Variants in CAMKMT observed in about 807,000 individuals in gnomAD.
CAMKMT encodes calmodulin-lysine N-methyltransferase.
CAMKMT carries 53 observed loss-of-function variants against 48.0 expected under a neutral mutation model. The ratio of observed to expected loss-of-function variants is 1.10; its 90% CI spans 0.89 to 1.39. The LOEUF (loss-of-function observed/expected upper bound fraction) is 1.39. Ranked by LOEUF, CAMKMT falls within the 40% of genes most tolerant of loss-of-function variation. The pLI is 0.00. For missense variants in CAMKMT, 428 were observed against 402.7 expected (o/e 1.06, Z -0.54); for synonymous variants, 165 against 152.3 (o/e 1.08, Z -0.61).
chr2:44,702,251 A>G lies in CAMKMT; in HGVS notation c.377-2032A>G, dbSNP rs918017867. Reference sequence around the variant, plus strand: ...AGACTTTTATTTATACTTTGGTCTTAATAGAGTTATTTTTATGTGGAGATA... The same window carrying G: ...AGACTTTTATTTATACTTTGGTCTTGATAGAGTTATTTTTATGTGGAGATA... On this transcript the variant is annotated intron_variant, in intron 3 of 10. Transcript: ENST00000378494. Among the ~76,000 whole-genome samples, 7 of 152,062 alleles carry G rather than the reference A, an allele frequency of 4.6e-5. No individual in the cohort carries two copies. The South Asian group carries it at 1.5e-3, about 32-fold the overall frequency.
chr2:44,605,682 A>C (rs1436831457), intron 3 of CAMKMT, among the ~76,000 whole-genome samples: 2 of 152,270 alleles, frequency 1.3e-5, no homozygotes, highest in East Asian at 3.9e-4. Flanking sequence ...ACAGAACAAG[A>C]AAATGACTTG....
chr2:44,455,272 TG>T lies in CAMKMT; in HGVS notation c.376+64968del, dbSNP rs1337453389. Among the ~76,000 whole-genome samples, 4 of 152,242 alleles carry T rather than the reference TG, an allele frequency of 2.6e-5. No individual in the cohort carries two copies. In the East Asian group the frequency reaches 7.7e-4, roughly 29 times the overall value. ...TTTTTTTTAGAAGGAGGCTTATCTC[TG>T]AAGATGGGCAGGATGAAAGAAGTCA... On this transcript the variant is annotated intron_variant, in intron 3 of 10. Transcript: ENST00000378494.
intron 3 of CAMKMT, among the ~76,000 whole-genome samples, chr2:44,505,199 AC>A (rs1349378328): frequency 3.9e-5 from 6 of 152,204 alleles, no homozygotes; most frequent in African/African-American, 1.4e-4. Flanking sequence ...GAGGGGTCAA[AC>A]AAACCATATT....
At chr2:44,366,743 A>G (rs1036265990) in intron 1 of CAMKMT, among the ~76,000 whole-genome samples, 2 of 94,838 alleles carry the variant, frequency 2.1e-5, no homozygotes, top group Non-Finnish European at 5.6e-5. Flanking sequence ...ATTATTTGAG[A>G]CAAAGTCTCA....
chr2:44,481,687 T>C (rs942473885), intron 3 of CAMKMT, among the ~76,000 whole-genome samples: 1 of 152,100 alleles, frequency 6.6e-6, no homozygotes, highest in Non-Finnish European at 1.5e-5. Flanking sequence ...AAACATTCCC[T>C]AATGATAAAG....
rs17581117 is a variant in CAMKMT, at chr2:44,497,853, G to A, written c.376+107548G>A. Reference sequence around the variant, plus strand: ...AGCAAGCAATTCAGACACCTGCCGGGCATCGGGGCAGGGTGAAGTCTTCTT... The same window carrying A: ...AGCAAGCAATTCAGACACCTGCCGGACATCGGGGCAGGGTGAAGTCTTCTT... On this transcript the variant is annotated intron_variant, in intron 3 of 10. Transcript: ENST00000378494. Among the ~76,000 whole-genome samples the A allele has an allele frequency of 0.026, 3,891 of 152,122 alleles. 288 individuals are homozygous for A. The East Asian group carries it at 0.29, about 12-fold the overall frequency.
At chr2:44,521,833 C>T (rs1572705908) in intron 3 of CAMKMT, among the ~76,000 whole-genome samples, 1 of 149,596 alleles carries the variant, frequency 6.7e-6, no homozygotes, top group East Asian at 1.9e-4. Context: ...CCAGCCTGGG[C>T]AATAGAGCAA....
chr2:44,617,322 T>C (rs898821739), intron 3 of CAMKMT, among the ~76,000 whole-genome samples: 1 of 152,186 alleles, frequency 6.6e-6, no homozygotes, highest in Non-Finnish European at 1.5e-5. Flanking sequence ...TTTTGTAATA[T>C]GATAACACAT....
chr2:44,519,974 G>A (rs571235169), intron 3 of CAMKMT, among the ~76,000 whole-genome samples: 17 of 152,112 alleles, frequency 1.1e-4, no homozygotes, highest in Middle Eastern at 3.4e-3. Flanking sequence ...CACTTTGGGA[G>A]GCTGAGGCGG....
At chr2:44,519,865 C>T (rs925309251) in intron 3 of CAMKMT, among the ~76,000 whole-genome samples, 1 of 152,114 alleles carries the variant, frequency 6.6e-6, no homozygotes, top group African/African-American at 2.4e-5. Flanking sequence ...CCTCAGCCTC[C>T]TGAGTAGCTG....
At chr2:44,764,841 A>G (rs1183611637) in intron 9 of CAMKMT, among the ~76,000 whole-genome samples, 1 of 152,194 alleles carries the variant, frequency 6.6e-6, no homozygotes, top group African/African-American at 2.4e-5. Context: ...ATAAGGAGAC[A>G]TGTAGTGTAG....
intron 3 of CAMKMT, chr2:44,395,162 G>T (rs1681716183): frequency 3.0e-6 from 1 of 338,832 alleles, no homozygotes; most frequent in South Asian, 2.3e-5. Flanking sequence ...TAAAGTTAGG[G>T]TTTGGAATGT....
At chr2:44,754,432 A>C (rs1680282998) in intron 9 of CAMKMT, among the ~76,000 whole-genome samples, 2 of 152,242 alleles carry the variant, frequency 1.3e-5, no homozygotes, top group Non-Finnish European at 2.9e-5. Flanking sequence ...CTTCATATTA[A>C]AGTTGAAGTA....
chr2:44,558,030 TATTTATTC>T (rs142850170), intron 3 of CAMKMT, among the ~76,000 whole-genome samples: 4,563 of 136,930 alleles, frequency 0.033, 209 homozygotes, highest in African/African-American at 0.11. Flanking sequence ...TTTATTTATT[TATTTATTC>T]ATTCATTCAT....
intron 2 of CAMKMT, among the ~76,000 whole-genome samples, chr2:44,377,159 A>G (rs1223150556): frequency 6.6e-6 from 1 of 151,886 alleles, no homozygotes; most frequent in Non-Finnish European, 1.5e-5. Flanking sequence ...GTTACATGCC[A>G]CCATGCCCAG....
At chr2:44,595,047 A>G (rs1232867816) in intron 3 of CAMKMT, among the ~76,000 whole-genome samples, 1 of 152,246 alleles carries the variant, frequency 6.6e-6, no homozygotes, top group Non-Finnish European at 1.5e-5. Context: ...AGCAAACATG[A>G]AAAAAGCTCA....
At chr2:44,541,713 G>T (rs1667115492) in intron 3 of CAMKMT, among the ~76,000 whole-genome samples, 1 of 150,668 alleles carries the variant, frequency 6.6e-6, no homozygotes, top group African/African-American at 2.4e-5. Flanking sequence ...TGAGGCTGCA[G>T]TGAGCCATGA....
At chr2:44,656,434 T>G (rs1674381837) in intron 3 of CAMKMT, among the ~76,000 whole-genome samples, 1 of 151,926 alleles carries the variant, frequency 6.6e-6, no homozygotes, top group Non-Finnish European at 1.5e-5. Context: ...TCAATAAGAG[T>G]GGATAAGGAA....
chr2:44,574,513 A>G (rs1412904302), intron 3 of CAMKMT, among the ~76,000 whole-genome samples: 1 of 152,146 alleles, frequency 6.6e-6, no homozygotes, highest in African/African-American at 2.4e-5. Context: ...TGCACTTGCA[A>G]AGAAATCCTT....
Sources: allele counts gnomAD v4.1 joint callset (sites outside exome capture counted in the v4.1 genomes callset), GRCh38; gene constraint gnomAD v4.1.1; transcripts MANE v1.5; gene names NCBI Gene and HGNC (gene_info 2026-07-23, HGNC 2026-07-21).